The following LGALS3 variants were observed in gnomAD, a reference collection of about 807,000 sequenced individuals.
The protein encoded by LGALS3 is galectin-3.
A neutral mutation model predicts 20.7 loss-of-function variants in LGALS3; 18 were observed. The ratio of observed to expected loss-of-function variants is 0.87; its 90% CI spans 0.60 to 1.29. The LOEUF is 1.29. Among genes scored for constraint, LGALS3 ranks in the 50% most tolerant of loss-of-function variants. The pLI is 0.00. For synonymous variants in LGALS3, 112 were observed against 119.6 expected (o/e 0.94, Z 0.42); for missense variants, 315 against 314.7 (o/e 1.00, Z -0.01).
In LGALS3 at chr14:55,145,378, G is replaced by C. The variant is rs931188487; in HGVS notation, c.*107G>C. 3 of 1,548,382 alleles carry C rather than the reference G, an allele frequency of 1.9e-6. No individual in the cohort carries two copies. Among genetic ancestry groups the C allele is most frequent in the Admixed American group, 1.8e-5 (1 of 54,396 alleles). Reference sequence around the variant, plus strand: ...TTTTACATTCATCAATATCCCTCTTGTAAGTCATCTACTTAATAAATATTA... The same window carrying C: ...TTTTACATTCATCAATATCCCTCTTCTAAGTCATCTACTTAATAAATATTA... On this transcript the variant is annotated 3_prime_UTR_variant, in exon 6 of 6. Transcript: ENST00000254301.
Position 55,142,724 on chromosome 14 carries a change from C to G in LGALS3, c.572C>G (p.Pro191Arg). The G allele has an allele frequency of 6.2e-7, 1 of 1,613,472 alleles. No individual in the cohort carries two copies. The highest frequency in any genetic ancestry group is 8.5e-7 in the Non-Finnish European group (1 of 1,179,486). Residue 191 changes from proline to arginine, a missense_variant, in exon 5 of 6, where the codon CCA (proline) becomes CGA (arginine). Transcript: ENST00000254301. ...AGGGAAGAAAGACAGTCGGTTTTCC[C>G]ATTTGAAAGTGGGAAACCATTCAAA... Reference protein sequence around the residue: ...WGREERQSVFPFESGKPFKIQ... With the variant: ...WGREERQSVFRFESGKPFKIQ...
At chr14:55,131,280 T>C (rs767535165) in intron 1 of LGALS3, among the ~76,000 whole-genome samples, 2 of 152,236 alleles carry the variant, frequency 1.3e-5, no homozygotes, top group Non-Finnish European at 2.9e-5. Context: ...TCTCGCTCTG[T>C]TAAGCGGTCT....
rs1055174088 is a variant in LGALS3 at position 55,129,667 on chromosome 14, G to T, written c.-5+367G>T. Among the ~76,000 whole-genome samples, 1 of 152,202 alleles carries T rather than the reference G, an allele frequency of 6.6e-6. No individual in the cohort carries two copies. Among genetic ancestry groups the T allele is most frequent in the African/African-American group, 2.4e-5 (1 of 41,446 alleles). On this transcript the variant is annotated intron_variant, in intron 1 of 5. Transcript: ENST00000254301. This position sits in a 1 kb window ranked among gnomAD's most constrained non-coding sequence, Gnocchi z 5.3. Reference sequence around the variant, plus strand: ...CCCAGAGTAAGCCCCATCCGGTGACGAGCCGCAGTCTGGTCACCCCAGTCC... The same window carrying T: ...CCCAGAGTAAGCCCCATCCGGTGACTAGCCGCAGTCTGGTCACCCCAGTCC...
intron 5 of LGALS3, among the ~76,000 whole-genome samples, chr14:55,144,029 G>A (rs1881727610): frequency 6.6e-6 from 1 of 152,120 alleles, no homozygotes. Context: ...TCCACTATTG[G>A]GAAGAGTAGA....
intron 2 of LGALS3, 195 bp downstream of exon 2, chr14:55,137,586 C>G: frequency 1.3e-6 from 2 of 1,487,520 alleles, no homozygotes; most frequent in Non-Finnish European, 1.8e-6. Flanking sequence ...CCAGGCAGAG[C>G]GAGGCCTGGG....
At chr14:55,142,035 T>C (rs1881641343) in intron 4 of LGALS3, among the ~76,000 whole-genome samples, 1 of 152,244 alleles carries the variant, frequency 6.6e-6, no homozygotes, top group Non-Finnish European at 1.5e-5. Context: ...TTTACTATCA[T>C]GACTTTACAA....
At chr14:55,135,886 G>A (rs1383451362) in intron 1 of LGALS3, among the ~76,000 whole-genome samples, 2 of 152,204 alleles carry the variant, frequency 1.3e-5, no homozygotes, top group African/African-American at 2.4e-5. Context: ...TTTGAATCAA[G>A]TAGTGGACAT....
At chr14:55,142,816 A>G in intron 5 of LGALS3, 67 bp downstream of exon 5, 1 of 1,312,648 alleles carries the variant, frequency 7.6e-7, no homozygotes, top group East Asian at 2.4e-5. Context: ...CTAAAACCCC[A>G]AAGCACTTGA....
At chr14:55,142,473 C>G (rs192595339) in intron 4 of LGALS3, 111 bp from the exon 5 acceptor site, 1 of 753,552 alleles carries the variant, frequency 1.3e-6, no homozygotes, top group East Asian at 2.7e-5. Context: ...AGAAAAATTT[C>G]CTAGGTACTG....
At chr14:55,136,596 A>G (rs1594651169) in intron 1 of LGALS3, among the ~76,000 whole-genome samples, 1 of 152,244 alleles carries the variant, frequency 6.6e-6, no homozygotes, top group South Asian at 2.1e-4. Flanking sequence ...TGACACAGGT[A>G]TGCAATGCCT....
At chr14:55,145,006 C>CA in intron 5 of LGALS3, 110 bp from the exon 6 acceptor site, 1 of 866,542 alleles carries the variant, frequency 1.2e-6, no homozygotes, top group East Asian at 2.4e-5. Context: ...TTTCAGTTGA[C>CA]AAAAAATTGT....
intron 2 of LGALS3, chr14:55,137,659 A>C (rs1881450540): frequency 7.1e-7 from 1 of 1,416,254 alleles, no homozygotes; most frequent in East Asian, 2.6e-5. Context: ...CTCTGCCGGC[A>C]GGAGCTGAGA....
chr14:55,137,287 C>T, intron 1 of LGALS3, 83 bp from the exon 2 acceptor site: 1 of 1,278,074 alleles, frequency 7.8e-7, no homozygotes, highest in Non-Finnish European at 1.1e-6. Flanking sequence ...ATTAGAACTG[C>T]ACAATGAACT....
intron 1 of LGALS3, among the ~76,000 whole-genome samples, chr14:55,132,479 G>A (rs1881260016): frequency 6.6e-6 from 1 of 152,160 alleles, no homozygotes; most frequent in South Asian, 2.1e-4. Flanking sequence ...GGCAAGTAAG[G>A]ATGATACTTA....
Position 55,142,574 on chromosome 14 carries a change from T to A in LGALS3, c.432-10T>A. On this transcript the variant is annotated splice_polypyrimidine_tract_variant and intron_variant, in intron 4 of 5. Coordinates refer to ENST00000254301, the MANE Select transcript of LGALS3 (RefSeq NM_002306.4). ...AATCATTTTAATAACTGGTCTTTGGTTTAAAACAGAATTGCTTTAGATTTC... is the reference window on the plus strand; with the variant it reads ...AATCATTTTAATAACTGGTCTTTGGATTAAAACAGAATTGCTTTAGATTTC... The A allele has an allele frequency of 6.2e-7, 1 of 1,609,782 alleles. No individual in the cohort carries two copies. The highest frequency in any genetic ancestry group is 8.5e-7 in the Non-Finnish European group (1 of 1,176,260).
chr14:55,135,690 G>T (rs527516982), intron 1 of LGALS3, among the ~76,000 whole-genome samples: 1 of 148,422 alleles, frequency 6.7e-6, no homozygotes, highest in South Asian at 2.2e-4. Context: ...TCAGCCCCTC[G>T]AGTAGCTGGG....
chr14:55,144,976 A>G (rs1881763415), intron 5 of LGALS3, 140 bp from the exon 6 acceptor site: 1 of 671,472 alleles, frequency 1.5e-6, no homozygotes, highest in Non-Finnish European at 2.6e-6. Flanking sequence ...TTTGAAATTA[A>G]TGGACATTTT....
chr14:55,138,685 A>T (rs75187058), intron 3 of LGALS3, among the ~76,000 whole-genome samples: 1,702 of 152,332 alleles, frequency 0.011, 34 homozygotes, highest in African/African-American at 0.039. Flanking sequence ...AATCTCATTT[A>T]ACCCCATTAC....
chr14:55,139,602 A>G (rs1159823785), intron 3 of LGALS3, among the ~76,000 whole-genome samples: 1 of 152,196 alleles, frequency 6.6e-6, no homozygotes, highest in Non-Finnish European at 1.5e-5. Flanking sequence ...CTCCATCCTC[A>G]ACAACTGAGA....
Sources: gnomAD v4.1 joint callset for allele counts (sites outside exome capture counted in the v4.1 genomes callset) on GRCh38, gnomAD v4.1.1 for gene constraint, Gnocchi (gnomAD v3.1) non-coding constraint, MANE v1.5 for transcripts, NCBI Gene and HGNC (gene_info 2026-07-23, HGNC 2026-07-21) for gene names.